The following ARL15 variants were observed in gnomAD, a reference collection of about 807,000 sequenced individuals.
ARL15 encodes ADP-ribosylation factor-like protein 15.
A neutral mutation model predicts 25.2 loss-of-function variants in ARL15; 19 were observed. The ratio of observed to expected loss-of-function variants is 0.75; its 90% CI spans 0.53 to 1.10. ARL15 has a LOEUF of 1.10. Ranked by LOEUF, ARL15 falls within the 50% of genes least tolerant of loss-of-function variation. The probability of loss-of-function intolerance (pLI) is 0.00; values close to 1 mark genes in which losing one functional copy is unlikely to be tolerated. For synonymous variants in ARL15, 94 were observed against 86.8 expected, an observed-to-expected ratio of 1.08 and a Z score of -0.46; for missense variants, 220 against 246.0, an observed-to-expected ratio of 0.89 and a Z score of 0.71.
chr5:53,917,605 A>G (rs1745697415), intron 4 of ARL15, among the ~76,000 whole-genome samples: 1 of 152,218 alleles, frequency 6.6e-6, no homozygotes. Flanking sequence ...ACATCAGAAA[A>G]TAGATCTCTT....
intron 4 of ARL15, among the ~76,000 whole-genome samples, chr5:53,970,539 G>A (rs1747711215): frequency 6.6e-6 from 1 of 152,106 alleles, no homozygotes; most frequent in African/African-American, 2.4e-5. Flanking sequence ...GTTTTTATTT[G>A]TTGATATTTG....
chr5:54,053,171 G>A (rs144130714), intron 4 of ARL15, among the ~76,000 whole-genome samples: 118 of 152,158 alleles, frequency 7.8e-4, no homozygotes, highest in African/African-American at 2.8e-3. Flanking sequence ...GGATCCCTGG[G>A]GCCCGGGAGG....
At chr5:54,055,348 A>C (rs1401676571) in intron 4 of ARL15, among the ~76,000 whole-genome samples, 11 of 121,408 alleles carry the variant, frequency 9.1e-5, no homozygotes, top group African/African-American at 3.5e-4. Flanking sequence ...TTGCATCATC[A>C]TTCCTTTTTT....
At position 54,154,648 on chromosome 5, in the gene ARL15, A is replaced by T; in HGVS notation, c.194-9T>A. ...TGCTTTAATACTAAAACCTAAAATTAGAAAACAAAAACATAAAAAAAGAAT... is the reference window on the plus strand; with the variant it reads ...TGCTTTAATACTAAAACCTAAAATTTGAAAACAAAAACATAAAAAAAGAAT... On this transcript the variant is annotated splice_polypyrimidine_tract_variant and intron_variant, in intron 2 of 4. Transcript: ENST00000504924. 6.7e-7 allele frequency: 1 copy of T among 1,492,080 alleles called. No individual in the cohort carries two copies. Among genetic ancestry groups the T allele is most frequent in the Admixed American group, 2.5e-5 (1 of 39,456 alleles). 92.4% of individuals were successfully genotyped at this position (1,492,080 alleles called of 1,614,324 possible).
chr5:54,026,794 C>T (rs1749798064), intron 4 of ARL15, among the ~76,000 whole-genome samples: 1 of 151,996 alleles, frequency 6.6e-6, no homozygotes, highest in Non-Finnish European at 1.5e-5. Context: ...GGAGAGACAC[C>T]AATGAATAAG....
At chr5:53,962,818 C>T (rs1292908759) in intron 4 of ARL15, among the ~76,000 whole-genome samples, 1 of 151,906 alleles carries the variant, frequency 6.6e-6, no homozygotes, top group Non-Finnish European at 1.5e-5. Flanking sequence ...AGAAAGGAAA[C>T]AGAAGGCAGT....
At chr5:54,048,743 C>T (rs2111978136) in intron 4 of ARL15, among the ~76,000 whole-genome samples, 1 of 151,342 alleles carries the variant, frequency 6.6e-6, no homozygotes, top group South Asian at 2.1e-4. Context: ...TTCTTTTTCT[C>T]AGCCTTCCCC....
At chr5:53,942,005 T>A (rs2112087602) in intron 4 of ARL15, among the ~76,000 whole-genome samples, 1 of 151,408 alleles carries the variant, frequency 6.6e-6, no homozygotes, top group Non-Finnish European at 1.5e-5. Flanking sequence ...ATGTAAAGAG[T>A]ATGGGGCGGG....
intron 4 of ARL15, among the ~76,000 whole-genome samples, chr5:53,918,569 T>C (rs1242818450): frequency 6.6e-6 from 1 of 152,150 alleles, no homozygotes; most frequent in Non-Finnish European, 1.5e-5. Context: ...TAATGAGAGA[T>C]GAGAGTGATT....
chr5:54,110,270 T>G (rs546209377), intron 4 of ARL15, among the ~76,000 whole-genome samples: 1 of 152,144 alleles, frequency 6.6e-6, no homozygotes, highest in South Asian at 2.1e-4. Flanking sequence ...ACTGATAATT[T>G]GACTTTCTCT....
At chr5:53,999,938 G>C (rs1748800193) in intron 4 of ARL15, among the ~76,000 whole-genome samples, 2 of 152,000 alleles carry the variant, frequency 1.3e-5, no homozygotes, top group East Asian at 3.9e-4. Flanking sequence ...AAAAAAATAA[G>C]GGAAAAAAAG....
intron 1 of ARL15, among the ~76,000 whole-genome samples, chr5:54,194,710 G>A (rs1169780220): frequency 6.6e-6 from 1 of 152,140 alleles, no homozygotes; most frequent in Non-Finnish European, 1.5e-5. Context: ...AGAAATGGTA[G>A]AATGACCTCA....
chr5:54,172,024 A>G lies in ARL15; in HGVS notation c.49-96T>C. 4.9e-6 allele frequency: 7 copies of G among 1,433,344 alleles called. No individual in the cohort carries two copies. In the South Asian group the frequency reaches 9.8e-5, roughly 20 times the overall value. 88.8% of individuals were successfully genotyped at this position (1,433,344 alleles called of 1,614,324 possible). On this transcript the variant is annotated intron_variant, in intron 1 of 4. Coordinates refer to ENST00000504924, the MANE Select transcript of ARL15 (RefSeq NM_019087.3). ...ATGACTGAGTAAGTATTAAGAGGTA[A>G]TTGAATAAAGTATTACCTATAAGGA...
intron 4 of ARL15, among the ~76,000 whole-genome samples, chr5:53,901,717 A>G (rs1476517878): frequency 1.3e-5 from 2 of 152,304 alleles, no homozygotes; most frequent in East Asian, 1.9e-4. Context: ...CAGGTTGAAG[A>G]TATGAGTTCC....
chr5:54,064,609 G>A (rs1219170263), intron 4 of ARL15, among the ~76,000 whole-genome samples: 1 of 152,096 alleles, frequency 6.6e-6, no homozygotes, highest in East Asian at 1.9e-4. Context: ...TCCATTTTCT[G>A]GATGTGTGAC....
intron 4 of ARL15, among the ~76,000 whole-genome samples, chr5:53,938,792 C>T (rs912912755): frequency 2.0e-5 from 3 of 152,058 alleles, no homozygotes; most frequent in Non-Finnish European, 4.4e-5. Flanking sequence ...TGCAGTGAGC[C>T]GAGATCATGC....
At chr5:54,138,865 T>A (rs1579838974) in intron 3 of ARL15, among the ~76,000 whole-genome samples, 1 of 151,962 alleles carries the variant, frequency 6.6e-6, no homozygotes, top group Non-Finnish European at 1.5e-5. Flanking sequence ...ATGACATGAA[T>A]AGATATTCCT....
chr5:54,241,758 C>T (rs1756963911), intron 1 of ARL15, among the ~76,000 whole-genome samples: 1 of 152,158 alleles, frequency 6.6e-6, no homozygotes, highest in Non-Finnish European at 1.5e-5. Flanking sequence ...AACATGAGCA[C>T]ATCTTGAAAT....
chr5:53,890,525 T>C (rs778821086), intron 4 of ARL15, among the ~76,000 whole-genome samples: 8 of 152,236 alleles, frequency 5.3e-5, no homozygotes, highest in Non-Finnish European at 8.8e-5. Context: ...TTGTTTCACA[T>C]TGGCCTTTGG....
Sources: allele counts gnomAD v4.1 joint callset (sites outside exome capture counted in the v4.1 genomes callset), GRCh38; gene constraint gnomAD v4.1.1; transcripts MANE v1.5; gene names NCBI Gene and HGNC (gene_info 2026-07-23, HGNC 2026-07-21).